COL19A1: variants seen among roughly 807,000 people sequenced by gnomAD.
The protein encoded by COL19A1 is collagen alpha-1(XIX) chain.
COL19A1 carries 159 observed loss-of-function variants against 190.2 expected under a neutral mutation model. The ratio of observed to expected loss-of-function variants is 0.84; its 90% confidence interval spans 0.73 to 0.95. The LOEUF is 0.95. Ranked by LOEUF, COL19A1 falls within the 40% of genes least tolerant of loss-of-function variation. COL19A1 has a pLI of 0.00. For synonymous variants in COL19A1, 509 were observed against 458.9 expected (o/e 1.11, Z -1.39); for missense variants, 1,418 against 1,431.9 (o/e 0.99, Z 0.16).
At chr6:70,168,136 TTC>T (rs113479893) in intron 38 of COL19A1, 33 bp from the exon 39 acceptor site, 29,352 of 1,610,794 alleles carry the variant, frequency 0.018, 904 homozygotes, top group East Asian at 0.13. Context: ...CGTCTCATCT[TTC>T]TCTTTTTCTT....
intron 16 of COL19A1, among the ~76,000 whole-genome samples, chr6:70,113,101 A>G (rs1692168090): frequency 6.6e-6 from 1 of 152,198 alleles, no homozygotes. Flanking sequence ...CTTAGGAGCT[A>G]TAGATCTTTC....
At chr6:70,023,747 A>G in intron 12 of COL19A1, 67 bp downstream of exon 12, 2 of 1,447,776 alleles carry the variant, frequency 1.4e-6, no homozygotes, top group Non-Finnish European at 1.9e-6. Flanking sequence ...ATTTAATGCT[A>G]TTAAGATTTG....
intron 14 of COL19A1, among the ~76,000 whole-genome samples, chr6:70,047,375 G>A (rs1179936938): frequency 6.6e-6 from 1 of 151,944 alleles, no homozygotes; most frequent in Non-Finnish European, 1.5e-5. Flanking sequence ...ATCATAATAA[G>A]TATACACATT....
intron 48 of COL19A1, among the ~76,000 whole-genome samples, chr6:70,196,009 T>C (rs1212366397): frequency 2.0e-5 from 3 of 152,172 alleles, no homozygotes; most frequent in Non-Finnish European, 4.4e-5. Flanking sequence ...CCCATGATAG[T>C]TCAAAGCAAC....
At chr6:70,192,045 T>G (rs1241040301) in intron 48 of COL19A1, among the ~76,000 whole-genome samples, 1 of 137,394 alleles carries the variant, frequency 7.3e-6, no homozygotes, top group African/African-American at 2.6e-5. Flanking sequence ...AAAAATGGGG[T>G]TTTTTGTTGT....
At chr6:70,161,346 A>G (rs1350377683) in intron 34 of COL19A1, among the ~76,000 whole-genome samples, 1 of 152,158 alleles carries the variant, frequency 6.6e-6, no homozygotes, top group Non-Finnish European at 1.5e-5. Context: ...CCAGTACGAG[A>G]TTCTTAGATA....
At chr6:70,200,185 T>C (rs575434044) in intron 49 of COL19A1, among the ~76,000 whole-genome samples, 3 of 152,356 alleles carry the variant, frequency 2.0e-5, no homozygotes, top group African/African-American at 7.2e-5. Context: ...TTCTAAAATA[T>C]ATTTTTAAGA....
intron 11 of COL19A1, among the ~76,000 whole-genome samples, chr6:69,983,479 T>C (rs1438905861): frequency 6.6e-6 from 1 of 152,114 alleles, no homozygotes; most frequent in Non-Finnish European, 1.5e-5. Context: ...TTGCCATATT[T>C]TACTGACTAG....
intron 16 of COL19A1, among the ~76,000 whole-genome samples, chr6:70,112,901 A>G (rs183983140): frequency 5.4e-4 from 82 of 152,328 alleles, no homozygotes; most frequent in Non-Finnish European, 8.7e-4. Flanking sequence ...CCAGAAGCAG[A>G]CAAGCCCAGC....
intron 11 of COL19A1, among the ~76,000 whole-genome samples, chr6:69,982,973 A>AAAATAAAT (rs56922945): frequency 0.012 from 1,538 of 132,604 alleles, 11 homozygotes; most frequent in Non-Finnish European, 0.014. Context: ...CTCTGTCTCA[A>AAAATAAAT]AAATAAATAA....
At chr6:70,036,926 A>G (rs1211676948) in intron 14 of COL19A1, among the ~76,000 whole-genome samples, 2 of 152,152 alleles carry the variant, frequency 1.3e-5, no homozygotes, top group African/African-American at 4.8e-5. Flanking sequence ...TGAAAAATAC[A>G]TTAATAATGT....
intron 15 of COL19A1, among the ~76,000 whole-genome samples, chr6:70,099,778 C>A (rs1287647270): frequency 6.6e-6 from 1 of 152,144 alleles, no homozygotes; most frequent in African/African-American, 2.4e-5. Flanking sequence ...CAATATGTTC[C>A]AATTACTTAG....
chr6:69,926,173 A>G (rs904944179), intron 4 of COL19A1, among the ~76,000 whole-genome samples: 21 of 152,144 alleles, frequency 1.4e-4, no homozygotes, highest in South Asian at 2.1e-4. Flanking sequence ...CCAGTTTTCA[A>G]AGGGAATGCC....
At chr6:70,055,330 T>C (rs1484279865) in intron 14 of COL19A1, among the ~76,000 whole-genome samples, 1 of 152,044 alleles carries the variant, frequency 6.6e-6, no homozygotes, top group East Asian at 1.9e-4. Flanking sequence ...AGTTTCACTC[T>C]AGGCTCATTC....
intron 11 of COL19A1, among the ~76,000 whole-genome samples, chr6:69,984,903 T>C (rs546124795): frequency 1.1e-4 from 17 of 152,284 alleles, no homozygotes; most frequent in African/African-American, 3.4e-4. Flanking sequence ...CCATAGGAGA[T>C]TGATAATTTT....
intron 49 of COL19A1, among the ~76,000 whole-genome samples, chr6:70,205,270 A>G (rs773517571): frequency 2.6e-5 from 4 of 152,350 alleles, no homozygotes; most frequent in African/African-American, 9.6e-5. Flanking sequence ...TACATTGCCA[A>G]TGTTGTTCAG....
At chr6:70,192,968 C>T (rs1199906062) in intron 48 of COL19A1, among the ~76,000 whole-genome samples, 1 of 152,016 alleles carries the variant, frequency 6.6e-6, no homozygotes, top group African/African-American at 2.4e-5. Flanking sequence ...TATCTTTTAT[C>T]TAAGAGAGCT....
At chr6:70,168,747 C>A in intron 40 of COL19A1, 66 bp downstream of exon 40, 1 of 1,568,572 alleles carries the variant, frequency 6.4e-7, no homozygotes, top group Non-Finnish European at 8.7e-7. Flanking sequence ...GAAAGAAAAG[C>A]ATCGGGCAAA....
At chr6:69,879,447 A>T in intron 1 of COL19A1, 89 bp from the exon 2 acceptor site, 2 of 691,574 alleles carry the variant, frequency 2.9e-6, no homozygotes, top group Non-Finnish European at 5.1e-6. Flanking sequence ...TGTAACGTTG[A>T]TTGGTTTTGC....
Sources: gnomAD v4.1 joint callset for allele counts (sites outside exome capture counted in the v4.1 genomes callset) on GRCh38, gnomAD v4.1.1 for gene constraint, MANE v1.5 for transcripts, NCBI Gene and HGNC (gene_info 2026-07-23, HGNC 2026-07-21) for gene names.